ZNF136: variants seen among roughly 807,000 people sequenced by gnomAD.
ZNF136 encodes the protein zinc finger protein 136 (clone pHZ-20).
A neutral mutation model predicts 11.4 loss-of-function variants in ZNF136; 8 were observed. The observed-to-expected ratio is 0.70, with a 90% CI of 0.41 to 1.27. ZNF136 has a LOEUF of 1.27. Among genes scored for constraint, ZNF136 ranks in the 50% most tolerant of loss-of-function variants. The pLI, the probability that ZNF136 is intolerant of heterozygous loss-of-function variation, is 0.01. For missense variants in ZNF136, 590 were observed against 656.5 expected, an observed-to-expected ratio of 0.90 and a Z score of 1.11; for synonymous variants, 190 against 207.1, an observed-to-expected ratio of 0.92 and a Z score of 0.71.
In ZNF136 at chr19:12,187,700, C is replaced by G. The variant is rs772505684; in HGVS notation, c.1322C>G (p.Thr441Ser). Residue 441 changes from threonine (T) to serine (S), a missense_variant, in exon 4 of 4, where the codon ACT becomes AGT. Transcript: ENST00000343979. ...SSTSIRIHER[T>S]HTGEKPYECK... ...ACATCAATTCGAATACATGAAAGAA[C>G]TCATACTGGAGAGAAACCCTATGAG... 82 of 1,613,936 alleles carry G rather than the reference C, an allele frequency of 5.1e-5. No individual in the cohort carries two copies. The highest frequency in any genetic ancestry group is 3.3e-4 in the Middle Eastern group (2 of 6,084).
intron 1 of ZNF136, among the ~76,000 whole-genome samples, chr19:12,170,875 G>T (rs1347450744): frequency 6.8e-6 from 1 of 146,988 alleles, no homozygotes; most frequent in African/African-American, 2.5e-5. Flanking sequence ...CACTCTTGTT[G>T]CCCAGTCTGG....
chr19:12,166,671 ATAG>A (rs1320921178), intron 1 of ZNF136, among the ~76,000 whole-genome samples: 3 of 152,196 alleles, frequency 2.0e-5, no homozygotes, highest in Non-Finnish European at 2.9e-5. Context: ...TATCATAGAA[ATAG>A]TAGTTAAGTG....
In ZNF136 at chr19:12,189,830, TAAG is replaced by T. The variant is rs1006691539; in HGVS notation, c.*1830_*1832del. 4 of 152,234 alleles carry T rather than the reference TAAG, an allele frequency of 2.6e-5. No individual in the cohort carries two copies. Among genetic ancestry groups the T allele is most frequent in the Non-Finnish European group, 4.4e-5 (3 of 68,040 alleles). The allele number at this position is 152,234 out of a possible 1,614,324, so 9.4% of individuals were successfully genotyped here. A position where few individuals can be genotyped will look rare whatever the true frequency, so the allele number is the denominator to read the frequency against. Reference sequence around the variant, plus strand: ...GCTCTTTGTATAATTGATTTTGGGATAAGGAGACAGCTATGATAGAATAATAAA... The same window carrying T: ...GCTCTTTGTATAATTGATTTTGGGATGAGACAGCTATGATAGAATAATAAA... On this transcript the variant is annotated 3_prime_UTR_variant, in exon 4 of 4. Transcript: ENST00000343979.
At chr19:12,177,366 G>A (rs549962524) in intron 1 of ZNF136, among the ~76,000 whole-genome samples, 75 of 152,248 alleles carry the variant, frequency 4.9e-4, no homozygotes, top group African/African-American at 1.5e-3. Flanking sequence ...GTTTTGAGAC[G>A]GAGTCTCGCT....
At chr19:12,167,413 T>C (rs761989515) in intron 1 of ZNF136, among the ~76,000 whole-genome samples, 1 of 152,202 alleles carries the variant, frequency 6.6e-6, no homozygotes, top group African/African-American at 2.4e-5. Flanking sequence ...GTTCAGCTAA[T>C]GTTTTATGAA....
chr19:12,169,897 C>G (rs981861440), intron 1 of ZNF136, among the ~76,000 whole-genome samples: 2 of 152,042 alleles, frequency 1.3e-5, no homozygotes, highest in African/African-American at 4.8e-5. Context: ...CGGGTTGACG[C>G]CATTCTCCTG....
intron 1 of ZNF136, among the ~76,000 whole-genome samples, chr19:12,170,127 G>C (rs111388156): frequency 1.6e-5 from 2 of 123,354 alleles, no homozygotes; most frequent in Non-Finnish European, 3.5e-5. Flanking sequence ...ACGGGGTTTC[G>C]CTGTGTTAGC....
rs189127712 is a variant in ZNF136 at position 12,168,175 on chromosome 19, C to T, written c.3+4969C>T. ...CTGATCTCTGCCTCCTGGGTTCAAG[C>T]GATTCTCCTGCCTCAGCCTCCCAAG... On this transcript the variant is annotated intron_variant, in intron 1 of 3. Coordinates refer to ENST00000343979, the MANE Select transcript of ZNF136 (RefSeq NM_003437.5). Among the ~76,000 whole-genome samples the T allele has an allele frequency of 7.1e-5, 10 of 141,834 alleles. No individual in the cohort carries two copies. The East Asian group carries it at 1.9e-3, about 27-fold the overall frequency. 93.0% of individuals were successfully genotyped at this position (141,834 alleles called of 152,430 possible).
At chr19:12,166,410 G>A (rs1427121113) in intron 1 of ZNF136, among the ~76,000 whole-genome samples, 3 of 152,074 alleles carry the variant, frequency 2.0e-5, no homozygotes, top group Non-Finnish European at 2.9e-5. Flanking sequence ...AAATGGGGGT[G>A]GGGAGAACCA....
rs199664038 is a variant in ZNF136, at chr19:12,187,043, A to C, written c.665A>C (p.Lys222Thr). Reference protein sequence around the residue: ...RTHERSHTGEKPYECQECGKA... With the variant: ...RTHERSHTGETPYECQECGKA... ...CATGAAAGAAGTCACACTGGAGAGA[A>C]ACCCTATGAATGTCAGGAATGTGGA... The change falls in exon 4 of 4, where the codon AAA (lysine) becomes ACA (threonine). Residue 222 changes from lysine to threonine, a missense_variant. Coordinates refer to ENST00000343979, the MANE Select transcript of ZNF136 (RefSeq NM_003437.5). 6.2e-7 allele frequency: 1 copy of C among 1,614,150 alleles called. No individual in the cohort carries two copies. Among genetic ancestry groups the C allele is most frequent in the African/African-American group, 1.3e-5 (1 of 75,052 alleles).
chr19:12,178,977 A>T (rs912887107), intron 1 of ZNF136, among the ~76,000 whole-genome samples: 13 of 151,928 alleles, frequency 8.6e-5, no homozygotes, highest in African/African-American at 3.1e-4. Flanking sequence ...CAGCAGAATG[A>T]GACTCTGTCT....
intron 1 of ZNF136, among the ~76,000 whole-genome samples, chr19:12,168,778 C>A (rs1300485974): frequency 6.6e-6 from 1 of 151,906 alleles, no homozygotes; most frequent in Non-Finnish European, 1.5e-5. Context: ...CGGGTTCAAG[C>A]GATTCTCCTG....
In ZNF136 at chr19:12,170,704, C is replaced by G. The variant is rs188858391; in HGVS notation, c.3+7498C>G. 2.3e-4 allele frequency among the ~76,000 whole-genome samples: 35 copies of G among 149,862 alleles called. No individual in the cohort carries two copies. In the East Asian group the frequency reaches 5.6e-3, roughly 24 times the overall value. On this transcript the variant is annotated intron_variant, in intron 1 of 3. Coordinates refer to ENST00000343979, the MANE Select transcript of ZNF136 (RefSeq NM_003437.5). ...TTTTCGAGACGGAGTCTCGCTCTGTCGCCAGGCCAGGCTGGAGTGCAGTGG... is the reference window on the plus strand; with the variant it reads ...TTTTCGAGACGGAGTCTCGCTCTGTGGCCAGGCCAGGCTGGAGTGCAGTGG...
At chr19:12,185,981 A>G (rs1359667370) in intron 2 of ZNF136, 70 bp downstream of exon 2, 5 of 1,606,814 alleles carry the variant, frequency 3.1e-6, no homozygotes, top group South Asian at 1.1e-5. Context: ...ATGCTGTTCC[A>G]TGGTTTGCAT....
Position 12,188,109 on chromosome 19 carries a change from TGAAA to T in ZNF136, c.*112_*115del. 3.2e-6 allele frequency: 3 copies of T among 944,352 alleles called. No individual in the cohort carries two copies. Among genetic ancestry groups the T allele is most frequent in the East Asian group, 2.7e-5 (1 of 37,208 alleles). 58.5% of individuals were successfully genotyped at this position (944,352 alleles called of 1,614,324 possible). On this transcript the variant is annotated 3_prime_UTR_variant, in exon 4 of 4. Coordinates refer to ENST00000343979, the MANE Select transcript of ZNF136 (RefSeq NM_003437.5). ...TTCTGTCAGTGCCTTTTTTAATACA[TGAAA>T]GAATTCTAGAGAGAAGCCATATACA... is the stretch of plus-strand genomic sequence containing the variant.
At position 12,187,515 on chromosome 19, in the gene ZNF136, G is replaced by A; in HGVS notation, c.1137G>A (p.Met379Ile). Residue 379 changes from methionine (M) to isoleucine (I), a missense_variant, in exon 4 of 4, where the codon ATG becomes ATA. Physicochemically the swap from Met to Ile is conservative, Grantham distance 10. Coordinates refer to ENST00000343979, the MANE Select transcript of ZNF136 (RefSeq NM_003437.5). ...CGEAFSCIPS[M>I]RRHMIKHTGE... ...AAGCATTCAGTTGTATCCCAAGTAT[G>A]CGAAGACACATGATAAAACATACTG... 1 of 1,611,724 alleles carries A rather than the reference G, an allele frequency of 6.2e-7. No individual in the cohort carries two copies. Among genetic ancestry groups the A allele is most frequent in the Non-Finnish European group, 8.5e-7 (1 of 1,179,244 alleles).
chr19:12,170,308 A>G (rs1046746585), intron 1 of ZNF136, among the ~76,000 whole-genome samples: 1 of 151,656 alleles, frequency 6.6e-6, no homozygotes, highest in Non-Finnish European at 1.5e-5. Context: ...TAACCATTCC[A>G]CTGCTTGATT....
At chr19:12,170,816 C>T (rs1333181930) in intron 1 of ZNF136, among the ~76,000 whole-genome samples, 3 of 151,400 alleles carry the variant, frequency 2.0e-5, no homozygotes, top group African/African-American at 7.3e-5. Flanking sequence ...ATTACAGTCA[C>T]ATGCCACCAC....
intron 1 of ZNF136, among the ~76,000 whole-genome samples, chr19:12,163,416 C>G (rs1420283283): frequency 6.6e-6 from 1 of 152,232 alleles, no homozygotes; most frequent in Non-Finnish European, 1.5e-5. Flanking sequence ...CCGCCCTGTG[C>G]CGCGATTGCG....
Sources: allele counts gnomAD v4.1 joint callset (sites outside exome capture counted in the v4.1 genomes callset), GRCh38; gene constraint gnomAD v4.1.1; transcripts MANE v1.5; gene names NCBI Gene and HGNC (gene_info 2026-07-23, HGNC 2026-07-21).